Variants in ZNF469 observed in about 807,000 individuals in gnomAD.
ZNF469 encodes zinc finger protein 469.
In ZNF469, 1 loss-of-function variant was observed where a neutral mutation model predicts 1.0. That is an observed-to-expected ratio of 1.00 (90% confidence interval 0.35 to 4.73). The LOEUF (loss-of-function observed/expected upper bound fraction) is 4.73, where lower values mean the gene tolerates loss of function less well. Ranked by LOEUF, ZNF469 falls within the 30% of genes most tolerant of loss-of-function variation. ZNF469 has a pLI of 0.16. For synonymous variants in ZNF469, 2,703 were observed against 2,363.4 expected, an observed-to-expected ratio of 1.14 and a Z score of -4.17; for missense variants, 6,100 against 5,356.3, an observed-to-expected ratio of 1.14 and a Z score of -4.33.
chr16:88,396,304 T>C (rs554843327), intron 1 of ZNF469, among the ~76,000 whole-genome samples: 6 of 152,376 alleles, frequency 3.9e-5, no homozygotes, highest in African/African-American at 1.2e-4. Context: ...GGCTCTGCTT[T>C]TCTGCACATC....
chr16:88,238,594 C>G, the ZNF469 span, among the ~76,000 whole-genome samples: 2 of 152,214 alleles, frequency 1.3e-5, no homozygotes, highest in Non-Finnish European at 1.5e-5. Context: ...GGGTTGGAGA[C>G]TGGGGTTTGC....
the ZNF469 span, among the ~76,000 whole-genome samples, chr16:88,301,854 C>T: frequency 6.6e-6 from 1 of 152,194 alleles, no homozygotes; most frequent in Non-Finnish European, 1.5e-5. Context: ...CTCAGCATCC[C>T]AGGCTGCAGG....
In ZNF469 at chr16:88,429,165, G is replaced by A. The variant is rs887433314; in HGVS notation, c.1695G>A (p.Val565=). The change falls in exon 3 of 3, where the codon GTG becomes GTA. Residue 565 remains valine, a synonymous_variant. Coordinates refer to ENST00000565624, the MANE Select transcript of ZNF469 (RefSeq NM_001367624.2). Reference sequence around the variant, plus strand: ...GGGCTCAGCCCCTGTTCTTCGGGGTGGCCCAGCCCCAGGTTTCACCCCACG... The same window carrying A: ...GGGCTCAGCCCCTGTTCTTCGGGGTAGCCCAGCCCCAGGTTTCACCCCACG... ...DPGAQPLFFG[V]AQPQVSPHGT... 6.5e-7 allele frequency: 1 copy of A among 1,549,768 alleles called. No individual in the cohort carries two copies. The highest frequency in any genetic ancestry group is 1.4e-5 in the African/African-American group (1 of 72,972).
chr16:88,393,959 G>A (rs1599346283), intron 1 of ZNF469, among the ~76,000 whole-genome samples: 1 of 152,246 alleles, frequency 6.6e-6, no homozygotes, highest in Non-Finnish European at 1.5e-5. Flanking sequence ...TGTCCGACAG[G>A]AGGGGGGTTT....
the ZNF469 span, among the ~76,000 whole-genome samples, chr16:88,135,165 T>G: frequency 6.6e-6 from 1 of 152,206 alleles, no homozygotes; most frequent in Non-Finnish European, 1.5e-5. Flanking sequence ...GACCCGAGCA[T>G]TCCGTGGGGC....
the ZNF469 span, among the ~76,000 whole-genome samples, chr16:88,286,284 C>T: frequency 1.3e-5 from 2 of 152,252 alleles, no homozygotes; most frequent in Non-Finnish European, 2.9e-5. Context: ...CGGCAGCTAA[C>T]TGTGCAACAA....
chr16:88,338,324 G>A, the ZNF469 span, among the ~76,000 whole-genome samples: 1 of 152,200 alleles, frequency 6.6e-6, no homozygotes, highest in Non-Finnish European at 1.5e-5. Context: ...GTGCTCTGTG[G>A]TTGATTAGCA....
At chr16:88,245,775 TG>T in the ZNF469 span, among the ~76,000 whole-genome samples, 1 of 152,286 alleles carries the variant, frequency 6.6e-6, no homozygotes, top group Non-Finnish European at 1.5e-5. Context: ...AGAGCTGCTC[TG>T]GGAACTCTCC....
upstream of ZNF469, among the ~76,000 whole-genome samples, chr16:88,378,263 C>T (rs1470004185): frequency 2.6e-5 from 4 of 152,160 alleles, no homozygotes; most frequent in Admixed American, 6.5e-5. Flanking sequence ...GCACCGGGGC[C>T]GGGCCTGTTT....
At chr16:88,125,931 A>G in the ZNF469 span, among the ~76,000 whole-genome samples, 1 of 152,190 alleles carries the variant, frequency 6.6e-6, no homozygotes. Context: ...GCTCACGCCT[A>G]TAATCCTAGC....
chr16:88,389,385 C>T (rs1458741461), intron 1 of ZNF469, among the ~76,000 whole-genome samples: 1 of 152,266 alleles, frequency 6.6e-6, no homozygotes, highest in East Asian at 1.9e-4. Context: ...GGACGGAGCA[C>T]ATTTTGTGCA....
chr16:88,116,967 A>ATG, the ZNF469 span, among the ~76,000 whole-genome samples: 874 of 55,162 alleles, frequency 0.016, 4 homozygotes, highest in Non-Finnish European at 0.024. Context: ...ACACACACAC[A>ATG]CACACACACA....
the ZNF469 span, among the ~76,000 whole-genome samples, chr16:88,302,156 C>CG: frequency 3.3e-5 from 5 of 152,138 alleles, no homozygotes; most frequent in Admixed American, 2.0e-4. Flanking sequence ...GTGGGAGACT[C>CG]GGGGGGTAAC....
chr16:88,307,832 G>A, the ZNF469 span, among the ~76,000 whole-genome samples: 2 of 152,182 alleles, frequency 1.3e-5, no homozygotes, highest in Non-Finnish European at 2.9e-5. Context: ...CAGCACAAAA[G>A]TTTTAATTTT....
the ZNF469 span, among the ~76,000 whole-genome samples, chr16:88,146,920 CAG>C: frequency 5.9e-5 from 9 of 152,094 alleles, no homozygotes; most frequent in Admixed American, 5.9e-4. Flanking sequence ...CAGCACGGTA[CAG>C]CGTGGGTGGC....
At chr16:88,210,269 T>C in the ZNF469 span, among the ~76,000 whole-genome samples, 1 of 152,046 alleles carries the variant, frequency 6.6e-6, no homozygotes. Flanking sequence ...TTTTTAATAA[T>C]GCTTTCTGTA....
the ZNF469 span, among the ~76,000 whole-genome samples, chr16:88,362,337 T>G: frequency 1.3e-5 from 2 of 152,362 alleles, no homozygotes; most frequent in African/African-American, 4.8e-5. Flanking sequence ...AGTTACCATT[T>G]CTGATGTTCT....
At chr16:88,102,644 G>T in the ZNF469 span, among the ~76,000 whole-genome samples, 4 of 152,224 alleles carry the variant, frequency 2.6e-5, no homozygotes, top group Admixed American at 2.6e-4. Flanking sequence ...CGGTCCAGGG[G>T]CTAAATCACA....
chr16:88,308,678 G>C, the ZNF469 span, among the ~76,000 whole-genome samples: 3 of 152,158 alleles, frequency 2.0e-5, no homozygotes, highest in Admixed American at 1.3e-4. Flanking sequence ...GTGAGGGCTG[G>C]AAGACTGAGC....
Sources: gnomAD v4.1 joint callset for allele counts (sites outside exome capture counted in the v4.1 genomes callset) on GRCh38, gnomAD v4.1.1 for gene constraint, MANE v1.5 for transcripts, NCBI Gene and HGNC (gene_info 2026-07-23, HGNC 2026-07-21) for gene names.